CORO7: variants seen among roughly 807,000 people sequenced by gnomAD.
The protein encoded by CORO7 is coronin 7, also known as coronin-7.
In CORO7, 107 loss-of-function variants were observed where a neutral mutation model predicts 126.6. The ratio of observed to expected loss-of-function variants is 0.85; its 90% CI spans 0.72 to 0.99. CORO7 has a LOEUF of 0.99. CORO7 is among the 50% of genes least tolerant of loss of function. CORO7 has a pLI of 0.00. For synonymous variants in CORO7, 603 were observed against 536.8 expected (o/e 1.12, Z -1.70); for missense variants, 1,314 against 1,255.8 (o/e 1.05, Z -0.70).
intron 6 of CORO7, among the ~76,000 whole-genome samples, chr16:4,396,980 C>CACTCTGT (rs1567291449): frequency 7.0e-6 from 1 of 143,318 alleles, no homozygotes; most frequent in African/African-American, 2.6e-5. Flanking sequence ...TGCACCACTG[C>CACTCTGT]ACTCCAGCCT....
At chr16:4,391,427 G>T (rs950537063) in intron 7 of CORO7, among the ~76,000 whole-genome samples, 1 of 152,166 alleles carries the variant, frequency 6.6e-6, no homozygotes, top group Non-Finnish European at 1.5e-5. Context: ...ATGGTGGCAG[G>T]CGCCTGTAAT....
Position 4,362,867 on chromosome 16 carries a change from C to A in CORO7, c.1276-129G>T. ...TGGAGGAGCCCCCACTGTGGGCATG[C>A]GACAGGAGCGGCGGGGGGCACGGGC... On this transcript the variant is annotated intron_variant, in intron 14 of 27. Transcript: ENST00000251166. This position sits in a 1 kb window ranked among gnomAD's most constrained non-coding sequence, Gnocchi z 5.3. The A allele has an allele frequency of 8.7e-7, 1 of 1,155,924 alleles. No individual in the cohort carries two copies. The allele number at this position is 1,155,924 out of a possible 1,614,324, so 71.6% of individuals were successfully genotyped here. A position where few individuals can be genotyped will look rare whatever the true frequency, so the allele number is the denominator to read the frequency against.
rs2141166802 is a variant in CORO7 at position 4,355,357 on chromosome 16, C to T, written c.2701G>A (p.Val901Met). 6.2e-7 allele frequency: 1 copy of T among 1,611,266 alleles called. No homozygotes were observed. Among genetic ancestry groups the T allele is most frequent in the South Asian group, 1.1e-5 (1 of 90,898 alleles). ...QKKEELLNAMVAKLGNREDPL... is the reference protein window; with the variant it reads ...QKKEELLNAMMAKLGNREDPL... ...TCCTCCCGGTTCCCCAGTTTTGCCA[C>T]CATGGCATTCAGCAGCTGGGAGAGA... Residue 901 changes from valine to methionine, a missense_variant, in exon 27 of 28, where the codon GTG becomes ATG. By Grantham distance (21) the Val-to-Met change is conservative. Transcript: ENST00000251166.
intron 3 of CORO7, among the ~76,000 whole-genome samples, chr16:4,410,132 G>A (rs11076831): frequency 0.73 from 110,264 of 152,038 alleles, 40,248 homozygotes; most frequent in Non-Finnish European, 0.77. Context: ...GCATCAAAAA[G>A]TCAAACATGA....
At chr16:4,412,562 A>C in intron 2 of CORO7, 132 bp from the exon 3 acceptor site, 13 of 896,128 alleles carry the variant, frequency 1.5e-5, no homozygotes, top group Non-Finnish European at 2.1e-5. Context: ...TCACAAGATC[A>C]TATCCTCTGC....
At position 4,364,883 on chromosome 16, in the gene CORO7, A is replaced by G; in HGVS notation, c.936T>C (p.Ala312=). 1 of 1,611,648 alleles carries G rather than the reference A, an allele frequency of 6.2e-7. No homozygotes were observed. The highest frequency in any genetic ancestry group is 2.2e-5 in the East Asian group (1 of 44,856). ...QCVLESVLRG[A]ALVPRQALAV... ...CCAGCGCCTGCCGGGGCACAAGGGCAGCCCCACGCAGCACGCTCTCCAGGA... is the reference window on the plus strand; with the variant it reads ...CCAGCGCCTGCCGGGGCACAAGGGCGGCCCCACGCAGCACGCTCTCCAGGA... Residue 312 remains alanine (A), a synonymous_variant, in exon 12 of 28, where the codon GCT becomes GCC. Transcript: ENST00000251166.
rs758470280 is a variant in CORO7, at chr16:4,362,179, A to G, written c.1403-19T>C. 116 of 1,600,560 alleles carry G rather than the reference A, an allele frequency of 7.2e-5. No homozygotes were observed. The highest frequency in any genetic ancestry group is 1.0e-4 in the Admixed American group (6 of 57,836). On this transcript the variant is annotated intron_variant, in intron 15 of 27. Transcript: ENST00000251166. This position sits in a 1 kb window ranked among gnomAD's most constrained non-coding sequence, Gnocchi z 5.3. ...CTGGGGCCTGGCAGGTGGCAGGGACATGGAACCACGTGTGAGGATGCCGTC... is the reference window on the plus strand; with the variant it reads ...CTGGGGCCTGGCAGGTGGCAGGGACGTGGAACCACGTGTGAGGATGCCGTC...
rs201341218 is a variant in CORO7, at chr16:4,361,237, C to A, written c.1699G>T (p.Ala567Ser). ...PHRLAVAGED[A>S]RIRLWRVPAE... ...GGTACCCGCCACAGTCGGATCCTGG[C>A]GTCCTCACCAGCTGCAGAGGACAGA... is the stretch of plus-strand genomic sequence containing the variant. The change falls in exon 18 of 28, where the codon GCC (alanine) becomes TCC (serine). Residue 567 changes from alanine (A) to serine (S), a missense_variant. Transcript: ENST00000251166. 5.0e-6 allele frequency: 8 copies of A among 1,612,530 alleles called. No individual in the cohort carries two copies. The highest frequency in any genetic ancestry group is 2.2e-5 in the East Asian group (1 of 44,882).
At chr16:4,357,393 T>C (rs546766382) in intron 25 of CORO7, 134 bp from the exon 26 acceptor site, 3 of 1,016,224 alleles carry the variant, frequency 3.0e-6, no homozygotes, top group Non-Finnish European at 4.1e-6. Flanking sequence ...GTTTTGCTCT[T>C]GTTGCCCAGG....
chr16:4,397,301 G>A (rs2055631596), intron 6 of CORO7: 1 of 151,678 alleles, frequency 6.6e-6, no homozygotes, highest in African/African-American at 2.4e-5. Flanking sequence ...AAATTAACCG[G>A]GCATGGTGGC....
At chr16:4,398,134 G>A (rs2141291149) in intron 6 of CORO7, among the ~76,000 whole-genome samples, 1 of 151,540 alleles carries the variant, frequency 6.6e-6, no homozygotes, top group South Asian at 2.1e-4. Context: ...TGAGCAGGCT[G>A]GTTTTGAACT....
rs1035041263 is a variant in CORO7, at chr16:4,416,557, C to T, written c.-39G>A. 3.1e-5 allele frequency: 48 copies of T among 1,569,896 alleles called. No homozygotes were observed. The highest frequency in any genetic ancestry group is 2.4e-4 in the Admixed American group (13 of 54,690). ...GCGGCGGACGCGTCTTCGAGGACCC[C>T]GGGCGTCGGGTCTCAGGTGCACGCT... On this transcript the variant is annotated 5_prime_UTR_variant, in exon 1 of 28. Coordinates refer to ENST00000251166, the MANE Select transcript of CORO7 (RefSeq NM_024535.5).
Position 4,357,150 on chromosome 16 carries a change from G to A in CORO7, c.2685+18C>T. ...AGGACTCTGTCACCTCCGCACAGCT[G>A]CTCTCTCCCATGCCTACCTCCTCCT... is the stretch of plus-strand genomic sequence containing the variant. On this transcript the variant is annotated intron_variant, in intron 26 of 27. Transcript: ENST00000251166. 2 of 1,613,474 alleles carry A rather than the reference G, an allele frequency of 1.2e-6. No individual in the cohort carries two copies. The highest frequency in any genetic ancestry group is 8.5e-7 in the Non-Finnish European group (1 of 1,179,910).
At chr16:4,411,168 T>A (rs2056193560) in intron 3 of CORO7, among the ~76,000 whole-genome samples, 1 of 152,168 alleles carries the variant, frequency 6.6e-6, no homozygotes, top group South Asian at 2.1e-4. Context: ...GGCGGGAGGA[T>A]AGCTCGAGGC....
At chr16:4,411,750 G>A (rs1178201734) in intron 3 of CORO7, among the ~76,000 whole-genome samples, 1 of 152,040 alleles carries the variant, frequency 6.6e-6, no homozygotes, top group East Asian at 1.9e-4. Context: ...AGCCAGAAAT[G>A]CAGGCCAGAG....
chr16:4,379,098 A>G (rs2054860128), intron 9 of CORO7, among the ~76,000 whole-genome samples: 1 of 151,896 alleles, frequency 6.6e-6, no homozygotes, highest in Admixed American at 6.5e-5. Flanking sequence ...TACCTGGGGG[A>G]GAGGGAGCCC....
rs755396280 is a variant in CORO7, at chr16:4,359,349, C to T, written c.2287G>A (p.Glu763Lys). The change falls in exon 23 of 28, where the codon GAG (glutamate) becomes AAG (lysine). Residue 763 changes from glutamate to lysine, a missense_variant. Physicochemically the swap from Glu to Lys is moderately conservative, Grantham distance 56 (BLOSUM62 1). Coordinates refer to ENST00000251166, the MANE Select transcript of CORO7 (RefSeq NM_024535.5). The stretch of plus-strand genomic sequence containing the variant: ...TTGCACTCCAGGAAGAAAGGGGACT[C>T]GGGGAGCAGCTCGTACAGGAATACA... ...TRVFLYELLP[E>K]SPFFLECNSF... The T allele has an allele frequency of 6.7e-5, 108 of 1,612,974 alleles. No individual in the cohort carries two copies. The highest frequency in any genetic ancestry group is 8.3e-5 in the Non-Finnish European group (98 of 1,179,776).
Position 4,388,529 on chromosome 16 carries a change from A to G in CORO7, c.702+16T>C. On this transcript the variant is annotated intron_variant, in intron 8 of 27. Transcript: ENST00000251166. ...CCACCTGGCCGTGCCCTGCTCCTCC[A>G]GGAGGAACCCCCTACCTGGTTGAAT... 2.5e-6 allele frequency: 4 copies of G among 1,609,614 alleles called. No homozygotes were observed. Among genetic ancestry groups the G allele is most frequent in the Non-Finnish European group, 3.4e-6 (4 of 1,178,696 alleles).
chr16:4,404,858 T>C (rs1265938578), intron 6 of CORO7, among the ~76,000 whole-genome samples: 1 of 152,084 alleles, frequency 6.6e-6, no homozygotes, highest in Non-Finnish European at 1.5e-5. Flanking sequence ...TGGTTCCAAA[T>C]GCGAATCCGC....
Sources: allele counts gnomAD v4.1 joint callset (sites outside exome capture counted in the v4.1 genomes callset), GRCh38; gene constraint gnomAD v4.1.1; non-coding constraint Gnocchi (gnomAD v3.1); transcripts MANE v1.5; gene names NCBI Gene and HGNC (gene_info 2026-07-23, HGNC 2026-07-21).